ANKDD1B: variants seen among roughly 807,000 people sequenced by gnomAD.
ANKDD1B encodes the protein ankyrin repeat and death domain-containing protein 1B.
Under a neutral mutation model 59.7 loss-of-function variants are expected in ANKDD1B, and 57 were observed. The observed-to-expected ratio is 0.95, with a 90% CI of 0.77 to 1.19. The LOEUF (loss-of-function observed/expected upper bound fraction) is 1.19, where lower values mean the gene tolerates loss of function less well. Ranked by LOEUF, ANKDD1B falls within the 50% of genes most tolerant of loss-of-function variation. ANKDD1B has a pLI of 0.00. For synonymous variants in ANKDD1B, 216 were observed against 239.5 expected, an observed-to-expected ratio of 0.90 and a Z score of 0.91; for missense variants, 602 against 641.9, an observed-to-expected ratio of 0.94 and a Z score of 0.67.
intron 11 of ANKDD1B, among the ~76,000 whole-genome samples, chr5:75,664,529 C>G (rs1775257546): frequency 6.6e-6 from 1 of 152,168 alleles, no homozygotes; most frequent in South Asian, 2.1e-4. Flanking sequence ...CTTTTCCTAT[C>G]CTCAGGCTCA....
chr5:75,651,488 A>T (rs1774830892), intron 7 of ANKDD1B, among the ~76,000 whole-genome samples: 6 of 152,236 alleles, frequency 3.9e-5, no homozygotes, highest in Admixed American at 3.9e-4. Context: ...ACAGGGAAGG[A>T]GAGGCGCTGA....
At chr5:75,645,130 C>T (rs1328683861) in intron 7 of ANKDD1B, among the ~76,000 whole-genome samples, 4 of 104,574 alleles carry the variant, frequency 3.8e-5, no homozygotes, top group Non-Finnish European at 6.7e-5. Flanking sequence ...GCACTAAATG[C>T]CTACAAGAGA....
At chr5:75,662,238 T>C (rs1459721197) in intron 10 of ANKDD1B, among the ~76,000 whole-genome samples, 3 of 152,172 alleles carry the variant, frequency 2.0e-5, no homozygotes, top group African/African-American at 7.2e-5. Context: ...AGACAGAATG[T>C]AGACAGCATA....
Position 75,671,066 on chromosome 5 carries a change from GA to G in ANKDD1B, c.*27del. On this transcript the variant is annotated 3_prime_UTR_variant, in exon 14 of 14. Coordinates refer to ENST00000601380, the MANE Select transcript of ANKDD1B (RefSeq NM_001276713.2). ...ATGCCTAAAGAAATTGTATTTACAT[GA>G]TTTTCCACTCAGCATTCAGTTCTTT... 8.9e-7 allele frequency: 1 copy of G among 1,120,068 alleles called. No individual in the cohort carries two copies. The highest frequency in any genetic ancestry group is 3.2e-5 in the East Asian group (1 of 31,100). 69.4% of individuals were successfully genotyped at this position (1,120,068 alleles called of 1,614,324 possible).
chr5:75,619,725 T>C (rs943896631), intron 2 of ANKDD1B, among the ~76,000 whole-genome samples: 3 of 152,234 alleles, frequency 2.0e-5, no homozygotes, highest in Non-Finnish European at 4.4e-5. Flanking sequence ...GAGCATCATG[T>C]TGACTTTCCT....
intron 5 of ANKDD1B, among the ~76,000 whole-genome samples, chr5:75,631,903 T>C (rs1774171099): frequency 6.6e-6 from 1 of 152,012 alleles, no homozygotes; most frequent in African/African-American, 2.4e-5. Context: ...GTCTGGAGTT[T>C]GAGACTAGCT....
chr5:75,653,281 G>T, intron 8 of ANKDD1B, 41 bp downstream of exon 8: 1 of 1,446,274 alleles, frequency 6.9e-7, no homozygotes, highest in South Asian at 1.2e-5. Context: ...TCCTGGCGCC[G>T]TGAGGTTGGC....
At chr5:75,651,909 A>C (rs1220056772) in intron 7 of ANKDD1B, among the ~76,000 whole-genome samples, 1 of 152,172 alleles carries the variant, frequency 6.6e-6, no homozygotes, top group Non-Finnish European at 1.5e-5. Flanking sequence ...TTTACGGACA[A>C]CTGTCTTGCT....
At chr5:75,646,886 C>T (rs1210605448) in intron 7 of ANKDD1B, among the ~76,000 whole-genome samples, 2 of 86,462 alleles carry the variant, frequency 2.3e-5, no homozygotes, top group Non-Finnish European at 3.9e-5. Flanking sequence ...CAGCATGGTA[C>T]TGGTACCAAA....
chr5:75,654,688 A>T (rs1774918779), intron 8 of ANKDD1B, among the ~76,000 whole-genome samples: 1 of 152,150 alleles, frequency 6.6e-6, no homozygotes, highest in African/African-American at 2.4e-5. Context: ...TCTGAAAAAA[A>T]TAAATAAAAG....
intron 3 of ANKDD1B, among the ~76,000 whole-genome samples, chr5:75,621,177 G>A (rs147869182): frequency 5.2e-4 from 79 of 152,312 alleles, no homozygotes; most frequent in Non-Finnish European, 9.3e-4. Flanking sequence ...GGAGGGGGCA[G>A]GGCCAGTAGA....
intron 10 of ANKDD1B, among the ~76,000 whole-genome samples, chr5:75,660,522 C>A (rs1229782889): frequency 6.6e-6 from 1 of 152,214 alleles, no homozygotes; most frequent in South Asian, 2.1e-4. Context: ...GTTGCGTCCA[C>A]CTTTTGGCTA....
intron 3 of ANKDD1B, among the ~76,000 whole-genome samples, chr5:75,623,257 G>C (rs775474311): frequency 6.6e-5 from 10 of 151,992 alleles, no homozygotes; most frequent in Non-Finnish European, 1.5e-4. Context: ...TAGAGATAGG[G>C]TTTCTCCATG....
intron 5 of ANKDD1B, among the ~76,000 whole-genome samples, chr5:75,626,875 C>A (rs1035020451): frequency 1.3e-5 from 2 of 151,892 alleles, no homozygotes; most frequent in Non-Finnish European, 2.9e-5. Flanking sequence ...GAATATACTT[C>A]ATGAATGGGA....
chr5:75,627,540 G>C (rs1166031005), intron 5 of ANKDD1B, among the ~76,000 whole-genome samples: 1 of 152,112 alleles, frequency 6.6e-6, no homozygotes, highest in African/African-American at 2.4e-5. Context: ...AATTGTTATA[G>C]GATAAAATAT....
intron 7 of ANKDD1B, among the ~76,000 whole-genome samples, chr5:75,649,048 G>A (rs891452346): frequency 6.6e-6 from 1 of 152,100 alleles, no homozygotes; most frequent in Non-Finnish European, 1.5e-5. Flanking sequence ...CCAGAATTAG[G>A]GCAACAGGCT....
intron 8 of ANKDD1B, among the ~76,000 whole-genome samples, chr5:75,655,759 T>C (rs1459433032): frequency 6.6e-6 from 1 of 152,220 alleles, no homozygotes; most frequent in East Asian, 1.9e-4. Flanking sequence ...ACTAAATCCC[T>C]AGCAACCTGA....
At chr5:75,621,121 C>A (rs1017164632) in intron 3 of ANKDD1B, among the ~76,000 whole-genome samples, 1 of 152,218 alleles carries the variant, frequency 6.6e-6, no homozygotes, top group Non-Finnish European at 1.5e-5. Flanking sequence ...TGCTGCTACC[C>A]CTACCACTGT....
rs1194735670 is a variant in ANKDD1B, at chr5:75,634,542, A to G, written c.601-356A>G. On this transcript the variant is annotated intron_variant, in intron 5 of 13. Coordinates refer to ENST00000601380, the MANE Select transcript of ANKDD1B (RefSeq NM_001276713.2). ...AGGGTCTGACACATAGTAGCTTCTC[A>G]GTAAATGGTGAAATAACTATGGAAT... 5 of 175,812 alleles carry G rather than the reference A, an allele frequency of 2.8e-5. No individual in the cohort carries two copies. The East Asian group carries it at 6.8e-4, about 24-fold the overall frequency. 10.9% of individuals were successfully genotyped at this position (175,812 alleles called of 1,614,324 possible).
Sources: gnomAD v4.1 joint callset for allele counts (sites outside exome capture counted in the v4.1 genomes callset) on GRCh38, gnomAD v4.1.1 for gene constraint, MANE v1.5 for transcripts, NCBI Gene and HGNC (gene_info 2026-07-23, HGNC 2026-07-21) for gene names.